The following DIS3L2 variants were observed in gnomAD, a reference collection of about 807,000 sequenced individuals.
DIS3L2 encodes DIS3-like exonuclease 2.
A neutral mutation model predicts 97.5 loss-of-function variants in DIS3L2; 34 were observed. That is an observed-to-expected ratio of 0.35 (90% CI 0.27 to 0.46). The LOEUF (loss-of-function observed/expected upper bound fraction) is 0.46. Ranked by LOEUF, DIS3L2 falls within the 20% of genes least tolerant of loss-of-function variation. The pLI, the probability that DIS3L2 is intolerant of heterozygous loss-of-function variation, is 1.00. For synonymous variants in DIS3L2, 435 were observed against 445.2 expected, an observed-to-expected ratio of 0.98 and a Z score of 0.29; for missense variants, 1,038 against 1,146.0, an observed-to-expected ratio of 0.91 and a Z score of 1.36.
intron 10 of DIS3L2, among the ~76,000 whole-genome samples, chr2:232,234,630 G>T (rs769241072): frequency 6.6e-6 from 1 of 152,196 alleles, no homozygotes; most frequent in Non-Finnish European, 1.5e-5. Context: ...GGGATTACAG[G>T]TCTTTATTAT....
intron 9 of DIS3L2, among the ~76,000 whole-genome samples, chr2:232,200,370 C>G (rs569888976): frequency 6.6e-6 from 1 of 152,170 alleles, no homozygotes; most frequent in African/African-American, 2.4e-5. Context: ...TATGCCCCAT[C>G]CTGGTTTCTA....
intron 6 of DIS3L2, among the ~76,000 whole-genome samples, chr2:232,108,709 T>A (rs1188200843): frequency 6.6e-6 from 1 of 152,162 alleles, no homozygotes. Flanking sequence ...TTAAGCAAAG[T>A]CTCAGGATAC....
intron 8 of DIS3L2, among the ~76,000 whole-genome samples, chr2:232,147,790 C>G (rs1168276025): frequency 6.6e-6 from 1 of 152,100 alleles, no homozygotes; most frequent in African/African-American, 2.4e-5. Context: ...TAAAAATAAA[C>G]CCTTCTGCAA....
chr2:232,339,114 A>G (rs1696053642), downstream of DIS3L2, among the ~76,000 whole-genome samples: 1 of 152,148 alleles, frequency 6.6e-6, no homozygotes, highest in African/African-American at 2.4e-5. Flanking sequence ...GAAGGAGCTG[A>G]AGCTCTCAAG....
intron 5 of DIS3L2, among the ~76,000 whole-genome samples, chr2:232,084,512 G>T (rs1398699216): frequency 1.3e-5 from 2 of 152,172 alleles, no homozygotes; most frequent in Non-Finnish European, 2.9e-5. Context: ...TTCAACCTGT[G>T]TATCAGTGCC....
downstream of DIS3L2, among the ~76,000 whole-genome samples, chr2:232,341,707 G>A (rs951418498): frequency 2.0e-5 from 3 of 152,150 alleles, no homozygotes; most frequent in African/African-American, 4.8e-5. Flanking sequence ...CTCTCTTTCC[G>A]CCTCTTCAAT....
chr2:232,021,124 G>C (rs1694499628), intron 3 of DIS3L2, among the ~76,000 whole-genome samples: 1 of 152,168 alleles, frequency 6.6e-6, no homozygotes, highest in Admixed American at 6.5e-5. Context: ...CTATGGTACT[G>C]TTTAGCTCCT....
intron 1 of DIS3L2, among the ~76,000 whole-genome samples, chr2:232,005,864 C>T (rs770511205): frequency 6.6e-6 from 1 of 152,138 alleles, no homozygotes; most frequent in Non-Finnish European, 1.5e-5. Context: ...GATTATAGAG[C>T]TGCAGTGAGC....
intron 8 of DIS3L2, among the ~76,000 whole-genome samples, chr2:232,143,329 A>G (rs772595652): frequency 6.6e-6 from 1 of 152,178 alleles, no homozygotes; most frequent in Non-Finnish European, 1.5e-5. Flanking sequence ...AGTGCCATTC[A>G]GATTAATTTT....
At chr2:232,056,366 A>AAACAAC (rs147366104) in intron 5 of DIS3L2, among the ~76,000 whole-genome samples, 24 of 149,152 alleles carry the variant, frequency 1.6e-4, no homozygotes, top group African/African-American at 5.2e-4. Flanking sequence ...CTCCATCTCA[A>AAACAAC]AACAACAACA....
chr2:232,097,826 C>T (rs140645156), intron 6 of DIS3L2, among the ~76,000 whole-genome samples: 1,889 of 152,242 alleles, frequency 0.012, 24 homozygotes, highest in South Asian at 0.041. Flanking sequence ...TGGAGTCTCT[C>T]GCGATAGCCA....
At chr2:232,158,033 A>G (rs184050402) in intron 8 of DIS3L2, among the ~76,000 whole-genome samples, 96 of 152,198 alleles carry the variant, frequency 6.3e-4, no homozygotes, top group African/African-American at 1.9e-3. Flanking sequence ...CAGTACTCCA[A>G]TCTTTCTTCT....
intron 6 of DIS3L2, among the ~76,000 whole-genome samples, chr2:232,089,934 C>G (rs1441064475): frequency 6.6e-6 from 1 of 151,992 alleles, no homozygotes; most frequent in Non-Finnish European, 1.5e-5. Flanking sequence ...TAATTCTTCC[C>G]CCACACTCCT....
intron 14 of DIS3L2, among the ~76,000 whole-genome samples, chr2:232,319,773 C>T (rs552799984): frequency 4.3e-4 from 66 of 152,296 alleles, no homozygotes; most frequent in African/African-American, 1.3e-3. Context: ...ACCCAGGCTG[C>T]CCTACAAGAT....
At chr2:232,170,115 A>G (rs367763369) in intron 9 of DIS3L2, among the ~76,000 whole-genome samples, 6 of 152,164 alleles carry the variant, frequency 3.9e-5, no homozygotes, top group East Asian at 3.9e-4. Context: ...GAAAAGCAAC[A>G]TAAGTACTGC....
At chr2:232,246,368 C>T (rs938676655) in intron 11 of DIS3L2, among the ~76,000 whole-genome samples, 1 of 152,238 alleles carries the variant, frequency 6.6e-6, no homozygotes, top group Non-Finnish European at 1.5e-5. Flanking sequence ...AGAGCTGGAG[C>T]AGCACACAGA....
chr2:232,115,430 G>C (rs1367168145), intron 6 of DIS3L2, among the ~76,000 whole-genome samples: 1 of 152,156 alleles, frequency 6.6e-6, no homozygotes, highest in African/African-American at 2.4e-5. Flanking sequence ...GGTATTTACT[G>C]AATGAATGTA....
At chr2:232,065,098 T>G (rs1695817951) in intron 5 of DIS3L2, among the ~76,000 whole-genome samples, 1 of 152,142 alleles carries the variant, frequency 6.6e-6, no homozygotes, top group Non-Finnish European at 1.5e-5. Context: ...TTCTTTCTTC[T>G]TAAAATTGTG....
intron 5 of DIS3L2, among the ~76,000 whole-genome samples, chr2:232,071,601 A>C (rs1399480736): frequency 1.3e-5 from 2 of 152,162 alleles, no homozygotes; most frequent in African/African-American, 4.8e-5. Flanking sequence ...GTGGTCTGTG[A>C]ATGGTGTATA....
Sources: allele counts gnomAD v4.1 joint callset (sites outside exome capture counted in the v4.1 genomes callset), GRCh38; gene constraint gnomAD v4.1.1; transcripts MANE v1.5; gene names NCBI Gene and HGNC (gene_info 2026-07-23, HGNC 2026-07-21).